NUDT12: variants seen among roughly 807,000 people sequenced by gnomAD.
The protein encoded by NUDT12 is nudix hydrolase 12, also known as NAD-capped RNA hydrolase NUDT12.
A neutral mutation model predicts 45.7 loss-of-function variants in NUDT12; 42 were observed. That is an observed-to-expected ratio of 0.92 (90% CI 0.72 to 1.19). The LOEUF (loss-of-function observed/expected upper bound fraction) is 1.19, where lower values mean the gene tolerates loss of function less well. Among genes scored for constraint, NUDT12 ranks in the 50% most tolerant of loss-of-function variants. NUDT12 has a pLI of 0.00. For missense variants in NUDT12, 590 were observed against 533.1 expected (o/e 1.11, Z -1.05); for synonymous variants, 206 against 179.7 (o/e 1.15, Z -1.17).
In NUDT12 at chr5:103,559,403, T is replaced by C. The variant is rs779483493; in HGVS notation, c.272A>G (p.Tyr91Cys). Residue 91 changes from tyrosine (Y) to cysteine (C), a missense_variant, in exon 3 of 7, where the codon TAT (tyrosine) becomes TGT (cysteine). Transcript: ENST00000230792. The part of the protein sequence containing the change: ...TALDIAVFWG[Y>C]KHIANLLATA... Reference sequence around the variant, plus strand: ...AGCTAGTAAATTAGCTATATGCTTATAACCCCAAAATACAGCAATGTCCAG... The same window carrying C: ...AGCTAGTAAATTAGCTATATGCTTACAACCCCAAAATACAGCAATGTCCAG... The C allele has an allele frequency of 3.1e-6, 5 of 1,611,854 alleles. No individual in the cohort carries two copies. In the African/African-American group the frequency reaches 6.7e-5, roughly 22 times the overall value.
In NUDT12 at chr5:103,549,532, C is replaced by T. The variant is rs976017134; in HGVS notation, c.*1329G>A. 6 of 151,746 alleles carry T rather than the reference C, an allele frequency of 4.0e-5. No individual in the cohort carries two copies. The highest frequency in any genetic ancestry group is 7.4e-5 in the Non-Finnish European group (5 of 67,852). 9.4% of individuals were successfully genotyped at this position (151,746 alleles called of 1,614,324 possible). ...TTCTAGTTCCTTTTACAGGGAGAAT[C>T]GTCCTCTGCATTATATAGTACAGAC... On this transcript the variant is annotated 3_prime_UTR_variant, in exon 7 of 7. Transcript: ENST00000230792.
chr5:103,561,921 C>T (rs1425390124), intron 1 of NUDT12, among the ~76,000 whole-genome samples: 1 of 152,168 alleles, frequency 6.6e-6, no homozygotes, highest in Non-Finnish European at 1.5e-5. Context: ...GGAAAGTGTA[C>T]ACTTTTCCCT....
chr5:103,552,505 T>C (rs1014591202), intron 5 of NUDT12, 89 bp from the exon 6 acceptor site: 9 of 970,288 alleles, frequency 9.3e-6, no homozygotes, highest in African/African-American at 1.6e-5. Context: ...GGAAATCACT[T>C]TGGACAGAAA....
At chr5:103,555,459 G>A (rs769650899) in intron 4 of NUDT12, among the ~76,000 whole-genome samples, 4 of 152,048 alleles carry the variant, frequency 2.6e-5, no homozygotes, top group Non-Finnish European at 5.9e-5. Context: ...CTCCTCAGGT[G>A]TTGCTGAGCC....
At chr5:103,552,799 C>T (rs913895076) in intron 5 of NUDT12, among the ~76,000 whole-genome samples, 7 of 152,090 alleles carry the variant, frequency 4.6e-5, no homozygotes, top group Non-Finnish European at 7.4e-5. Flanking sequence ...ACAAATAGCT[C>T]TTTCACACTA....
At position 103,549,431 on chromosome 5, in the gene NUDT12, A is replaced by C. The variant is rs1167557430; in HGVS notation, c.*1430T>G. On this transcript the variant is annotated 3_prime_UTR_variant, in exon 7 of 7. Coordinates refer to ENST00000230792, the MANE Select transcript of NUDT12 (RefSeq NM_031438.4). Reference sequence around the variant, plus strand: ...ATGTTAAGTATCTAAAATTTTAATTAACAATATTTGGTAAATTAAATTTAT... The same window carrying C: ...ATGTTAAGTATCTAAAATTTTAATTCACAATATTTGGTAAATTAAATTTAT... 2 of 151,958 alleles carry C rather than the reference A, an allele frequency of 1.3e-5. No homozygotes were observed. The highest frequency in any genetic ancestry group is 4.8e-5 in the African/African-American group (2 of 41,452). 9.4% of individuals were successfully genotyped at this position (151,958 alleles called of 1,614,324 possible). A position where few individuals can be genotyped will look rare whatever the true frequency, so the allele number is the denominator to read the frequency against.
In NUDT12 at chr5:103,560,027, A is replaced by T; in HGVS notation, c.206+16T>A. 2 of 1,570,982 alleles carry T rather than the reference A, an allele frequency of 1.3e-6. No individual in the cohort carries two copies. The highest frequency in any genetic ancestry group is 2.2e-5 in the South Asian group (2 of 90,022). On this transcript the variant is annotated intron_variant, in intron 2 of 6. Coordinates refer to ENST00000230792, the MANE Select transcript of NUDT12 (RefSeq NM_031438.4). ...AACCACAAACCCTTTCAGGTGGTAC[A>T]GCCTAAAATGTTTACCCTTTCTCAA...
At chr5:103,555,622 C>T (rs1416267276) in intron 4 of NUDT12, among the ~76,000 whole-genome samples, 1 of 151,944 alleles carries the variant, frequency 6.6e-6, no homozygotes, top group Non-Finnish European at 1.5e-5. Flanking sequence ...AGTAATGCCT[C>T]AAACAGGCAA....
At chr5:103,557,089 T>C (rs1748846324) in intron 3 of NUDT12, among the ~76,000 whole-genome samples, 1 of 151,652 alleles carries the variant, frequency 6.6e-6, no homozygotes, top group South Asian at 2.1e-4. Context: ...ATATAGATTA[T>C]TTAATGTTTA....
At chr5:103,560,559 G>T (rs1274567874) in intron 1 of NUDT12, among the ~76,000 whole-genome samples, 1 of 142,892 alleles carries the variant, frequency 7.0e-6, no homozygotes, top group Admixed American at 7.3e-5. Flanking sequence ...TAAGGAGGAG[G>T]TATTTAGGGT....
In NUDT12 at chr5:103,549,721, T is replaced by G. The variant is rs1003897132; in HGVS notation, c.*1140A>C. The G allele has an allele frequency of 4.6e-5, 7 of 152,090 alleles. No homozygotes were observed. The highest frequency in any genetic ancestry group is 1.4e-4 in the African/African-American group (6 of 41,458). 9.4% of individuals were successfully genotyped at this position (152,090 alleles called of 1,614,324 possible). On this transcript the variant is annotated 3_prime_UTR_variant, in exon 7 of 7. Coordinates refer to ENST00000230792, the MANE Select transcript of NUDT12 (RefSeq NM_031438.4). ...AAGATGCAAATTATACAAATTTTGATATTCATAAACTATAATAGCTATTAA... is the reference window on the plus strand; with the variant it reads ...AAGATGCAAATTATACAAATTTTGAGATTCATAAACTATAATAGCTATTAA...
In NUDT12 at chr5:103,549,025, T is replaced by C. The variant is rs982973844; in HGVS notation, c.*1836A>G. On this transcript the variant is annotated 3_prime_UTR_variant, in exon 7 of 7. Coordinates refer to ENST00000230792, the MANE Select transcript of NUDT12 (RefSeq NM_031438.4). ...TTATTAAAATAATAATTTACCTAGA[T>C]GCTGATTTTTTCCCAAGTAAGGATT... 6.6e-6 allele frequency: 1 copy of C among 152,160 alleles called. No homozygotes were observed. The highest frequency in any genetic ancestry group is 1.5e-5 in the Non-Finnish European group (1 of 67,988). The allele number at this position is 152,160 out of a possible 1,614,324, so 9.4% of individuals were successfully genotyped here. A position where few individuals can be genotyped will look rare whatever the true frequency, so the allele number is the denominator to read the frequency against.
Position 103,556,099 on chromosome 5 carries a change from C to A in NUDT12, c.797-1G>T. 6.4e-7 allele frequency: 1 copy of A among 1,552,402 alleles called. No individual in the cohort carries two copies. Reference sequence around the variant, plus strand: ...ACAGATCTTGCTTGAGCTACAACCCCTTCAAAAAAAAGAAAAGCACAAAAA... The same window carrying A: ...ACAGATCTTGCTTGAGCTACAACCCATTCAAAAAAAAGAAAAGCACAAAAA... On this transcript the variant is annotated splice_acceptor_variant, in intron 3 of 6. Coordinates refer to ENST00000230792, the MANE Select transcript of NUDT12 (RefSeq NM_031438.4). LOFTEE classifies it high-confidence loss of function.
chr5:103,553,706 T>C (rs903662524), intron 5 of NUDT12, among the ~76,000 whole-genome samples: 4 of 152,024 alleles, frequency 2.6e-5, no homozygotes, highest in South Asian at 2.1e-4. Context: ...ATAAGAACTT[T>C]AAAATAAACT....
rs1748765113 is a variant in NUDT12, at chr5:103,554,869, A to AC, written c.965-17_965-16insG. Reference sequence around the variant, plus strand: ...ACTACTGGATCTGTTGAAAAAAAAAATCAGATACATGAATGGCAGGAAAAA... The same window carrying AC: ...ACTACTGGATCTGTTGAAAAAAAAAACTCAGATACATGAATGGCAGGAAAAA... On this transcript the variant is annotated splice_polypyrimidine_tract_variant and intron_variant, in intron 4 of 6. Transcript: ENST00000230792. 8.5e-7 allele frequency: 1 copy of AC among 1,182,288 alleles called. No homozygotes were observed. Among genetic ancestry groups the AC allele is most frequent in the African/African-American group, 1.6e-5 (1 of 63,340 alleles). The allele number at this position is 1,182,288 out of a possible 1,614,324, so 73.2% of individuals were successfully genotyped here.
At chr5:103,556,201 AG>A (rs1252989092) in intron 3 of NUDT12, 103 bp from the exon 4 acceptor site, 1 of 708,340 alleles carries the variant, frequency 1.4e-6, no homozygotes, top group Non-Finnish European at 2.0e-6. Context: ...CTGTGTGATC[AG>A]GGGTTTTAGT....
chr5:103,561,170 C>T (rs1326008619), intron 1 of NUDT12, among the ~76,000 whole-genome samples: 1 of 151,296 alleles, frequency 6.6e-6, no homozygotes, highest in Non-Finnish European at 1.5e-5. Context: ...CTATGAAATG[C>T]TATTAAGAAA....
Position 103,552,516 on chromosome 5 carries a change from C to T in NUDT12, c.1079-100G>A, listed in dbSNP as rs1748688374. ...ATCTGGAAATCACTTTGGACAGAAA[C>T]CCAATGCAAATAATCAGAAAGCAGA... is the stretch of plus-strand genomic sequence containing the variant. On this transcript the variant is annotated intron_variant, in intron 5 of 6. Transcript: ENST00000230792. 1.4e-5 allele frequency: 12 copies of T among 852,754 alleles called. No individual in the cohort carries two copies. The South Asian group carries it at 1.9e-4, about 13-fold the overall frequency. 52.8% of individuals were successfully genotyped at this position (852,754 alleles called of 1,614,324 possible). A position where few individuals can be genotyped will look rare whatever the true frequency, so the allele number is the denominator to read the frequency against.
Position 103,558,794 on chromosome 5 carries a change from G to A in NUDT12, c.796+85C>T, listed in dbSNP as rs1315822261. 5 of 829,472 alleles carry A rather than the reference G, an allele frequency of 6.0e-6. No homozygotes were observed. In the African/African-American group the frequency reaches 7.0e-5, roughly 12 times the overall value. 51.4% of individuals were successfully genotyped at this position (829,472 alleles called of 1,614,324 possible). Reference sequence around the variant, plus strand: ...TTTCACTGCTTACTGGAAAAAGAGTGCCCCTGGAAAGTGCAAATACATACA... The same window carrying A: ...TTTCACTGCTTACTGGAAAAAGAGTACCCCTGGAAAGTGCAAATACATACA... On this transcript the variant is annotated intron_variant, in intron 3 of 6. Coordinates refer to ENST00000230792, the MANE Select transcript of NUDT12 (RefSeq NM_031438.4).
Sources: gnomAD v4.1 joint callset for allele counts (sites outside exome capture counted in the v4.1 genomes callset) on GRCh38, gnomAD v4.1.1 for gene constraint, MANE v1.5 for transcripts, NCBI Gene and HGNC (gene_info 2026-07-23, HGNC 2026-07-21) for gene names.